The following DEUP1 variants were observed in gnomAD, a reference collection of about 807,000 sequenced individuals.
DEUP1 encodes the protein deuterosome assembly protein 1.
Under a neutral mutation model 87.4 loss-of-function variants are expected in DEUP1, and 82 were observed. The ratio of observed to expected loss-of-function variants is 0.94; its 90% CI spans 0.78 to 1.13. The LOEUF (loss-of-function observed/expected upper bound fraction) is 1.13, where lower values mean the gene tolerates loss of function less well. DEUP1 is among the 50% of genes most tolerant of loss of function. The pLI is 0.00. For missense variants in DEUP1, 663 were observed against 681.5 expected (o/e 0.97, Z 0.30); for synonymous variants, 214 against 222.7 (o/e 0.96, Z 0.35).
At chr11:93,341,843 A>G (rs1212982645) in intron 2 of DEUP1, among the ~76,000 whole-genome samples, 5 of 152,220 alleles carry the variant, frequency 3.3e-5, no homozygotes, top group African/African-American at 1.2e-4. Context: ...ATCAGTATCA[A>G]TGGGCCAAAG....
chr11:93,386,778 G>A (rs1189592051), intron 8 of DEUP1, among the ~76,000 whole-genome samples: 3 of 152,148 alleles, frequency 2.0e-5, no homozygotes, highest in Admixed American at 2.0e-4. Flanking sequence ...TAATCAATCT[G>A]ATATTTATTA....
chr11:93,412,783 C>T (rs1947476633), intron 12 of DEUP1, among the ~76,000 whole-genome samples: 1 of 152,146 alleles, frequency 6.6e-6, no homozygotes, highest in Non-Finnish European at 1.5e-5. Context: ...TGCAGATATA[C>T]TATGCAAATG....
At chr11:93,368,890 C>T (rs1034700491) in intron 5 of DEUP1, among the ~76,000 whole-genome samples, 18 of 151,892 alleles carry the variant, frequency 1.2e-4, no homozygotes, top group Admixed American at 8.5e-4. Flanking sequence ...GAGCCAAGAT[C>T]GTGCCACTGC....
chr11:93,374,787 T>C (rs1945948193), intron 7 of DEUP1, among the ~76,000 whole-genome samples: 1 of 152,118 alleles, frequency 6.6e-6, no homozygotes, highest in Non-Finnish European at 1.5e-5. Flanking sequence ...ATATGAATTC[T>C]AAGAATTTTT....
At chr11:93,338,749 GCTT>G (rs1400433354) in intron 2 of DEUP1, among the ~76,000 whole-genome samples, 1 of 152,082 alleles carries the variant, frequency 6.6e-6, no homozygotes, top group East Asian at 1.9e-4. Context: ...AAGAATGACA[GCTT>G]ATTAAAGGCA....
intron 2 of DEUP1, among the ~76,000 whole-genome samples, chr11:93,344,373 A>G (rs1051314287): frequency 1.3e-5 from 2 of 152,170 alleles, no homozygotes; most frequent in Non-Finnish European, 1.5e-5. Flanking sequence ...AGTGAGTTTC[A>G]GTAAAAGATT....
chr11:93,367,035 G>A (rs564097771), intron 5 of DEUP1, among the ~76,000 whole-genome samples: 1 of 152,124 alleles, frequency 6.6e-6, no homozygotes, highest in Non-Finnish European at 1.5e-5. Context: ...CCTAATTTTT[G>A]TATGTCGAAT....
chr11:93,428,632 A>G (rs191879077), intron 13 of DEUP1, among the ~76,000 whole-genome samples: 8 of 152,272 alleles, frequency 5.3e-5, no homozygotes, highest in Admixed American at 5.2e-4. Context: ...TAACAAAACC[A>G]TCACATGTTT....
At chr11:93,368,029 C>A (rs953742818) in intron 5 of DEUP1, among the ~76,000 whole-genome samples, 1 of 152,208 alleles carries the variant, frequency 6.6e-6, no homozygotes, top group Admixed American at 6.5e-5. Context: ...GGAGAAGCAG[C>A]GATGTCTTCT....
chr11:93,361,371 G>A (rs72643371), intron 4 of DEUP1, among the ~76,000 whole-genome samples: 11,699 of 151,998 alleles, frequency 0.077, 600 homozygotes, highest in Middle Eastern at 0.16. Flanking sequence ...AAAAACATGG[G>A]GGGAAATGCA....
intron 2 of DEUP1, among the ~76,000 whole-genome samples, chr11:93,332,539 G>A (rs563632250): frequency 1.8e-4 from 28 of 152,270 alleles, no homozygotes; most frequent in Middle Eastern, 6.8e-3. Context: ...ATATCTAAGG[G>A]TGGTGGATGC....
chr11:93,397,539 T>C (rs140095244), intron 11 of DEUP1, among the ~76,000 whole-genome samples: 346 of 152,284 alleles, frequency 2.3e-3, no homozygotes, highest in Non-Finnish European at 4.4e-3. Context: ...AAGTGTATAT[T>C]CTGGGTCGTC....
chr11:93,372,587 T>G (rs1211350954), intron 7 of DEUP1, among the ~76,000 whole-genome samples: 1 of 152,164 alleles, frequency 6.6e-6, no homozygotes, highest in Non-Finnish European at 1.5e-5. Flanking sequence ...CAGCATCTAC[T>G]GTTCTATGTT....
At chr11:93,332,161 T>C in intron 1 of DEUP1, 55 bp from the exon 2 acceptor site, 6 of 1,202,610 alleles carry the variant, frequency 5.0e-6, no homozygotes, top group Non-Finnish European at 7.0e-6. Context: ...TTTCATGTTT[T>C]ATAGGTTAAA....
intron 13 of DEUP1, among the ~76,000 whole-genome samples, chr11:93,416,473 A>G (rs1225658732): frequency 6.6e-6 from 1 of 152,154 alleles, no homozygotes; most frequent in Non-Finnish European, 1.5e-5. Flanking sequence ...CCCAAGACTA[A>G]ACCAGGAAGA....
intron 2 of DEUP1, among the ~76,000 whole-genome samples, chr11:93,340,704 C>T (rs1944025172): frequency 6.6e-6 from 1 of 152,160 alleles, no homozygotes; most frequent in Admixed American, 6.5e-5. Context: ...CATGAAATAG[C>T]TGACAATGTT....
chr11:93,358,935 C>T (rs920166274), intron 4 of DEUP1, among the ~76,000 whole-genome samples: 2 of 151,988 alleles, frequency 1.3e-5, no homozygotes, highest in Admixed American at 6.6e-5. Context: ...ACAGGGGTTT[C>T]GTGGAATACA....
At position 93,437,759 on chromosome 11, in the gene DEUP1, G is replaced by GCC. The variant is rs781536784; in HGVS notation, c.*41_*42dup. The GCC allele has an allele frequency of 1.0e-6, 1 of 985,114 alleles. No individual in the cohort carries two copies. Among genetic ancestry groups the GCC allele is most frequent in the Non-Finnish European group, 1.5e-6 (1 of 669,268 alleles). 61.0% of individuals were successfully genotyped at this position (985,114 alleles called of 1,614,324 possible). A position where few individuals can be genotyped will look rare whatever the true frequency, so the allele number is the denominator to read the frequency against. ...TTATTTGCTTCCCCCCCCCACCCCC[G>GCC]CCAAGAAAAAAAGCTCTGGCAAAAT... On this transcript the variant is annotated 3_prime_UTR_variant, in exon 14 of 14. Coordinates refer to ENST00000298050, the MANE Select transcript of DEUP1 (RefSeq NM_181645.4).
Position 93,396,330 on chromosome 11 carries a change from T to C in DEUP1, c.1326+5T>C, listed in dbSNP as rs774339868. On this transcript the variant is annotated splice_donor_5th_base_variant and intron_variant, in intron 11 of 13. Coordinates refer to ENST00000298050, the MANE Select transcript of DEUP1 (RefSeq NM_181645.4). ...TTAGACCCCGGAGAATACATGGTAA[T>C]ATGCTGACATCATTCAATAAATTGA... 6.8e-7 allele frequency: 1 copy of C among 1,478,442 alleles called. No individual in the cohort carries two copies. The highest frequency in any genetic ancestry group is 2.4e-5 in the East Asian group (1 of 42,520). The allele number at this position is 1,478,442 out of a possible 1,614,324, so 91.6% of individuals were successfully genotyped here. A position where few individuals can be genotyped will look rare whatever the true frequency, so the allele number is the denominator to read the frequency against.
Sources: allele counts gnomAD v4.1 joint callset (sites outside exome capture counted in the v4.1 genomes callset), GRCh38; gene constraint gnomAD v4.1.1; transcripts MANE v1.5; gene names NCBI Gene and HGNC (gene_info 2026-07-23, HGNC 2026-07-21).